SLC35F4: variants seen among roughly 807,000 people sequenced by gnomAD.
SLC35F4 encodes chromosome 14 open reading frame 36.
In SLC35F4, 24 loss-of-function variants were observed where a neutral mutation model predicts 44.2. The ratio of observed to expected loss-of-function variants is 0.54; its 90% CI spans 0.39 to 0.76. The LOEUF (loss-of-function observed/expected upper bound fraction) is 0.76, where lower values mean the gene tolerates loss of function less well. SLC35F4 is among the 30% of genes least tolerant of loss of function. The probability of loss-of-function intolerance (pLI) is 0.00; values close to 1 mark genes in which losing one functional copy is unlikely to be tolerated. For missense variants in SLC35F4, 562 were observed against 586.1 expected, an observed-to-expected ratio of 0.96 and a Z score of 0.42; for synonymous variants, 238 against 223.6, an observed-to-expected ratio of 1.06 and a Z score of -0.57.
At chr14:57,697,697 T>C (rs1391936534) in intron 1 of SLC35F4, among the ~76,000 whole-genome samples, 1 of 5,144 alleles carries the variant, frequency 1.9e-4, no homozygotes, top group African/African-American at 9.7e-4. Context: ...TGAGACCCTG[T>C]TTAAAAAAAA....
downstream of SLC35F4, among the ~76,000 whole-genome samples, chr14:57,975,395 C>T (rs904847433): frequency 6.6e-6 from 1 of 152,314 alleles, no homozygotes; most frequent in South Asian, 2.1e-4. Flanking sequence ...TTCCCAGATG[C>T]CTTAGCTTCA....
At chr14:57,833,593 C>T (rs926627668) in intron 1 of SLC35F4, among the ~76,000 whole-genome samples, 1 of 152,190 alleles carries the variant, frequency 6.6e-6, no homozygotes, top group Non-Finnish European at 1.5e-5. Flanking sequence ...GTGAGAAATG[C>T]TCTCCTCAAT....
intron 1 of SLC35F4, among the ~76,000 whole-genome samples, chr14:57,722,354 G>A (rs2076105656): frequency 6.6e-6 from 1 of 152,186 alleles, no homozygotes; most frequent in Non-Finnish European, 1.5e-5. Flanking sequence ...GGATCAAAAG[G>A]CTTAGGGAGA....
chr14:57,873,779 C>T (rs1003548154), intron 1 of SLC35F4, among the ~76,000 whole-genome samples: 3 of 152,010 alleles, frequency 2.0e-5, no homozygotes, highest in African/African-American at 7.3e-5. Context: ...GAAACCCTTT[C>T]CCAGATCTTT....
At chr14:57,628,052 T>C (rs2072561003) in intron 1 of SLC35F4, among the ~76,000 whole-genome samples, 1 of 152,100 alleles carries the variant, frequency 6.6e-6, no homozygotes, top group African/African-American at 2.4e-5. Context: ...AAATGCTTGA[T>C]TCTTATATAG....
chr14:57,730,848 T>C (rs1208104554), intron 1 of SLC35F4, among the ~76,000 whole-genome samples: 10 of 152,208 alleles, frequency 6.6e-5, no homozygotes, highest in Admixed American at 6.5e-4. Context: ...AGCCAACAGA[T>C]ACAAAGAAGA....
intron 1 of SLC35F4, among the ~76,000 whole-genome samples, chr14:57,712,792 T>C (rs779151123): frequency 1.7e-4 from 26 of 152,230 alleles, no homozygotes; most frequent in Admixed American, 3.9e-4. Flanking sequence ...TTTAAATGTC[T>C]GCCAAAAGTA....
At chr14:57,642,706 G>A (rs2073308017) in intron 1 of SLC35F4, among the ~76,000 whole-genome samples, 2 of 151,832 alleles carry the variant, frequency 1.3e-5, no homozygotes, top group Non-Finnish European at 2.9e-5. Flanking sequence ...ATATAGGGCA[G>A]TGTCATAGTT....
intron 1 of SLC35F4, among the ~76,000 whole-genome samples, chr14:57,858,879 G>C (rs1253196394): frequency 1.3e-5 from 2 of 150,278 alleles, no homozygotes; most frequent in African/African-American, 2.5e-5. Flanking sequence ...GGTGTGGGAG[G>C]ATCACTTGAA....
At chr14:57,839,541 A>G (rs1222706403) in intron 1 of SLC35F4, among the ~76,000 whole-genome samples, 3 of 152,128 alleles carry the variant, frequency 2.0e-5, no homozygotes, top group Non-Finnish European at 2.9e-5. Context: ...TGAGAACATA[A>G]GGACACATGA....
intron 1 of SLC35F4, among the ~76,000 whole-genome samples, chr14:57,793,510 C>T (rs2036257520): frequency 6.6e-6 from 1 of 152,184 alleles, no homozygotes; most frequent in Admixed American, 6.6e-5. Flanking sequence ...GTTTTCTGTT[C>T]CTGAGTTACT....
At chr14:57,951,208 A>G (rs934900117) in intron 1 of SLC35F4, among the ~76,000 whole-genome samples, 28 of 152,136 alleles carry the variant, frequency 1.8e-4, no homozygotes, top group African/African-American at 6.8e-4. Flanking sequence ...CCCCTAGCCA[A>G]GGGAAGCCAT....
chr14:57,820,535 T>G (rs1257868140), intron 1 of SLC35F4, among the ~76,000 whole-genome samples: 1 of 152,218 alleles, frequency 6.6e-6, no homozygotes, highest in Non-Finnish European at 1.5e-5. Flanking sequence ...TATATATGTC[T>G]CAGTAATTAA....
chr14:57,637,963 A>T (rs902117340), intron 1 of SLC35F4, among the ~76,000 whole-genome samples: 2 of 152,114 alleles, frequency 1.3e-5, no homozygotes, highest in African/African-American at 4.8e-5. Context: ...TAAAGATCAT[A>T]AGACTGATGG....
intron 1 of SLC35F4, among the ~76,000 whole-genome samples, chr14:57,874,291 G>T (rs567923826): frequency 1.3e-5 from 2 of 152,294 alleles, no homozygotes; most frequent in African/African-American, 4.8e-5. Flanking sequence ...TCTCGACAGT[G>T]CATACTTAAG....
chr14:57,944,044 C>T (rs1345196890), intron 1 of SLC35F4, among the ~76,000 whole-genome samples: 1 of 152,038 alleles, frequency 6.6e-6, no homozygotes, highest in African/African-American at 2.4e-5. Flanking sequence ...CAACCCCCTC[C>T]CCAAATGAAC....
intron 1 of SLC35F4, among the ~76,000 whole-genome samples, chr14:57,962,121 C>T (rs1053206669): frequency 2.0e-5 from 3 of 152,330 alleles, no homozygotes; most frequent in African/African-American, 4.8e-5. Context: ...AAAACTTATG[C>T]TCTAGATAAC....
intron 1 of SLC35F4, among the ~76,000 whole-genome samples, chr14:57,934,511 G>A (rs751651834): frequency 2.8e-4 from 43 of 151,898 alleles, no homozygotes; most frequent in African/African-American, 4.6e-4. Flanking sequence ...CTGCATAGAG[G>A]GATTACTGGT....
intron 1 of SLC35F4, among the ~76,000 whole-genome samples, chr14:57,599,570 G>A (rs531178634): frequency 2.6e-5 from 4 of 152,192 alleles, no homozygotes; most frequent in Admixed American, 1.3e-4. Context: ...GGCCGGGCAC[G>A]GTGGCTCACG....
Sources: gnomAD v4.1 joint callset for allele counts (sites outside exome capture counted in the v4.1 genomes callset) on GRCh38, gnomAD v4.1.1 for gene constraint, MANE v1.5 for transcripts, NCBI Gene and HGNC (gene_info 2026-07-23, HGNC 2026-07-21) for gene names.